The following BMPR1A variants were observed in gnomAD, a reference collection of about 807,000 sequenced individuals.
BMPR1A encodes bone morphogenetic protein receptor type 1A.
BMPR1A carries 7 observed loss-of-function variants against 66.0 expected under a neutral mutation model. The ratio of observed to expected loss-of-function variants is 0.11; its 90% confidence interval spans 0.06 to 0.20. BMPR1A has a LOEUF of 0.20. Ranked by LOEUF, BMPR1A falls within the 10% of genes least tolerant of loss-of-function variation. The probability of loss-of-function intolerance (pLI) is 1.00; values close to 1 mark genes in which losing one functional copy is unlikely to be tolerated. For missense variants in BMPR1A, 408 were observed against 669.1 expected, an observed-to-expected ratio of 0.61 and a Z score of 4.31; for synonymous variants, 200 against 229.7, an observed-to-expected ratio of 0.87 and a Z score of 1.17.
chr10:86,767,772 C>A (rs1278745555), intron 1 of BMPR1A, among the ~76,000 whole-genome samples: 2 of 150,684 alleles, frequency 1.3e-5, no homozygotes, highest in African/African-American at 2.5e-5. Context: ...GATCCTCCCC[C>A]AAAGAACTCA....
chr10:86,782,418 A>G (rs534714125), intron 1 of BMPR1A, among the ~76,000 whole-genome samples: 4 of 152,164 alleles, frequency 2.6e-5, no homozygotes, highest in East Asian at 1.9e-4. Context: ...ACTGTTTTTC[A>G]TAGTGATTGT....
chr10:86,782,842 T>A (rs1210644841), intron 1 of BMPR1A, among the ~76,000 whole-genome samples: 2 of 152,186 alleles, frequency 1.3e-5, no homozygotes, highest in Admixed American at 1.3e-4. Context: ...TGGTTTTGGT[T>A]GATTGCTTGC....
At chr10:86,791,707 C>CCTT (rs1841625517) in intron 1 of BMPR1A, among the ~76,000 whole-genome samples, 2 of 57,784 alleles carry the variant, frequency 3.5e-5, no homozygotes, top group Non-Finnish European at 6.9e-5. Flanking sequence ...CTCCCTCCCT[C>CCTT]CCTCCCTTCC....
chr10:86,878,847 C>A (rs1015763484), intron 3 of BMPR1A, among the ~76,000 whole-genome samples: 3 of 151,886 alleles, frequency 2.0e-5, no homozygotes, highest in Admixed American at 2.0e-4. Context: ...GTGTTGTTCC[C>A]CCAAACAAAA....
chr10:86,880,045 A>G (rs1358558623), intron 3 of BMPR1A, among the ~76,000 whole-genome samples: 1 of 152,218 alleles, frequency 6.6e-6, no homozygotes, highest in Non-Finnish European at 1.5e-5. Context: ...GTGGAGACTG[A>G]ACAGCTTTAG....
intron 2 of BMPR1A, among the ~76,000 whole-genome samples, chr10:86,873,572 G>A (rs1178509008): frequency 6.6e-6 from 1 of 152,206 alleles, no homozygotes; most frequent in African/African-American, 2.4e-5. Flanking sequence ...CTGGAGAGTG[G>A]TAGCCAGTGG....
At chr10:86,875,370 C>T (rs1185782165) in intron 2 of BMPR1A, among the ~76,000 whole-genome samples, 1 of 141,892 alleles carries the variant, frequency 7.0e-6, no homozygotes, top group Non-Finnish European at 1.5e-5. Context: ...AAAACTCTGT[C>T]TCAAATAAAA....
intron 5 of BMPR1A, among the ~76,000 whole-genome samples, chr10:86,899,453 C>T (rs1332211218): frequency 6.6e-6 from 1 of 152,236 alleles, no homozygotes; most frequent in Non-Finnish European, 1.5e-5. Context: ...CTACGACACC[C>T]TCCACTTTTT....
intron 5 of BMPR1A, among the ~76,000 whole-genome samples, chr10:86,896,169 A>G (rs1481529855): frequency 6.6e-6 from 1 of 151,336 alleles, no homozygotes; most frequent in African/African-American, 2.4e-5. Context: ...AGAAAAGAAA[A>G]AAAAAAAAAA....
intron 1 of BMPR1A, among the ~76,000 whole-genome samples, chr10:86,819,830 C>T (rs1022801993): frequency 1.3e-5 from 2 of 152,082 alleles, no homozygotes; most frequent in Non-Finnish European, 1.5e-5. Flanking sequence ...TACATGTTAA[C>T]TGTGAATAAT....
chr10:86,906,783 C>T (rs905861208), intron 7 of BMPR1A, among the ~76,000 whole-genome samples: 39 of 142,402 alleles, frequency 2.7e-4, no homozygotes, highest in Non-Finnish European at 5.1e-4. Context: ...TTTTATCTGT[C>T]TCTTCTGTTT....
chr10:86,842,038 T>C (rs1007193020), intron 2 of BMPR1A, among the ~76,000 whole-genome samples: 2 of 152,180 alleles, frequency 1.3e-5, no homozygotes, highest in Non-Finnish European at 2.9e-5. Context: ...AGCAAACTAA[T>C]AGAACCTGAA....
intron 1 of BMPR1A, among the ~76,000 whole-genome samples, chr10:86,813,146 T>C (rs1420563746): frequency 2.0e-5 from 3 of 152,192 alleles, no homozygotes; most frequent in African/African-American, 7.2e-5. Context: ...TATGAACTCA[T>C]TTGTTGGGGT....
chr10:86,841,345 C>CTAT (rs1349815792), intron 2 of BMPR1A, among the ~76,000 whole-genome samples: 2 of 152,122 alleles, frequency 1.3e-5, no homozygotes, highest in East Asian at 3.8e-4. Context: ...TAGATGATAA[C>CTAT]TATAACATCA....
chr10:86,900,317 C>G (rs1436848462), intron 7 of BMPR1A, among the ~76,000 whole-genome samples, 191 bp downstream of exon 7: 1 of 151,930 alleles, frequency 6.6e-6, no homozygotes, highest in Non-Finnish European at 1.5e-5. Flanking sequence ...CAATTTCATA[C>G]TTCTTGTATG....
In BMPR1A at chr10:86,923,472, G is replaced by A. The variant is rs535109719; in HGVS notation, c.1439G>A (p.Arg480Gln). 6.2e-7 allele frequency: 1 copy of A among 1,614,156 alleles called. No individual in the cohort carries two copies. Among genetic ancestry groups the A allele is most frequent in the African/African-American group, 1.3e-5 (1 of 75,040 alleles). ...MREVVCVKRLRPIVSNRWNSD... is the reference protein window; with the variant it reads ...MREVVCVKRLQPIVSNRWNSD... ...GAGGTTGTGTGTGTCAAACGTTTGC[G>A]GCCAATTGTGTCTAATCGGTGGAAC... is the stretch of plus-strand genomic sequence containing the variant. The change falls in exon 12 of 13, where the codon CGG becomes CAG. Residue 480 changes from arginine to glutamine, a missense_variant. Physicochemically the swap from Arg to Gln is conservative, Grantham distance 43. Around this residue, in one of 5 missense-constraint regions of BMPR1A, gnomAD observed 130 missense variants for 257.3 expected, o/e 0.51. Transcript: ENST00000372037.
chr10:86,869,570 A>G (rs1475306882), intron 2 of BMPR1A, among the ~76,000 whole-genome samples: 1 of 152,014 alleles, frequency 6.6e-6, no homozygotes, highest in South Asian at 2.1e-4. Flanking sequence ...CAGCCTGACC[A>G]ACATGGAGAA....
chr10:86,916,564 G>A (rs935906917), intron 8 of BMPR1A, among the ~76,000 whole-genome samples: 6 of 152,214 alleles, frequency 3.9e-5, no homozygotes, highest in Non-Finnish European at 7.3e-5. Flanking sequence ...TAAGCCCTGA[G>A]TCTGTGGACC....
intron 1 of BMPR1A, among the ~76,000 whole-genome samples, chr10:86,791,691 C>T (rs11815431): frequency 0.052 from 2,036 of 39,370 alleles, 55 homozygotes; most frequent in African/African-American, 0.15. Context: ...CTTCCTTCCT[C>T]CCTCCCTCCC....
Sources: allele counts gnomAD v4.1 joint callset (sites outside exome capture counted in the v4.1 genomes callset), GRCh38; gene constraint gnomAD v4.1.1; regional missense constraint gnomAD v4.1.1; transcripts MANE v1.5; gene names NCBI Gene and HGNC (gene_info 2026-07-23, HGNC 2026-07-21).